The following EYS variants were observed in gnomAD, a reference collection of about 807,000 sequenced individuals.
The protein encoded by EYS is protein eyes shut homolog.
Under a neutral mutation model 282.1 loss-of-function variants are expected in EYS, and 250 were observed. The ratio of observed to expected loss-of-function variants is 0.89; its 90% CI spans 0.80 to 0.98. The LOEUF is 0.98. Ranked by LOEUF, EYS falls within the 50% of genes least tolerant of loss-of-function variation. The pLI, the probability that EYS is intolerant of heterozygous loss-of-function variation, is 0.00. For missense variants in EYS, 4,016 were observed against 3,709.0 expected, an observed-to-expected ratio of 1.08 and a Z score of -2.15; for synonymous variants, 1,355 against 1,282.9, an observed-to-expected ratio of 1.06 and a Z score of -1.20.
intron 9 of EYS, among the ~76,000 whole-genome samples, chr6:65,349,737 T>A (rs1770529754): frequency 6.6e-6 from 1 of 151,452 alleles, no homozygotes; most frequent in South Asian, 2.1e-4. Flanking sequence ...AATACTCAAA[T>A]ACTGTATGGT....
In EYS at chr6:64,475,298, T is replaced by A. The variant is rs1776226881; in HGVS notation, c.5645-35946A>T. 2.8e-5 allele frequency among the ~76,000 whole-genome samples: 2 copies of A among 71,144 alleles called. 1 individual carries two copies. The highest frequency in any genetic ancestry group is 8.4e-5 in the African/African-American group (2 of 23,712). The allele number at this position is 71,144 out of a possible 152,430, so 46.7% of individuals were successfully genotyped here. Reference sequence around the variant, plus strand: ...CGGGCGCGGTGGCTCACGCCTGTAATCCCAGCACTTTGGGAGGCCGAGGCG... The same window carrying A: ...CGGGCGCGGTGGCTCACGCCTGTAAACCCAGCACTTTGGGAGGCCGAGGCG... On this transcript the variant is annotated intron_variant, in intron 26 of 42. Coordinates refer to ENST00000503581, the MANE Select transcript of EYS (RefSeq NM_001142800.2).
intron 1 of EYS, among the ~76,000 whole-genome samples, chr6:65,663,683 T>A (rs780020493): frequency 6.6e-6 from 1 of 151,844 alleles, no homozygotes; most frequent in Non-Finnish European, 1.5e-5. Flanking sequence ...CTTTATTTAT[T>A]TATTTATTTA....
At chr6:64,770,981 T>C (rs796556772) in intron 22 of EYS, among the ~76,000 whole-genome samples, 58 of 151,870 alleles carry the variant, frequency 3.8e-4, no homozygotes, top group African/African-American at 1.3e-3. Flanking sequence ...CCAAATACAA[T>C]TGTTTTAACT....
Position 64,664,576 on chromosome 6 carries a change from A to G in EYS, c.3444-38331T>C, listed in dbSNP as rs577553922. ...TATTTCCACCTCCTCACCCGCCCCC[A>G]AATTCATATGTTGAAATCTTAACCT... is the stretch of plus-strand genomic sequence containing the variant. On this transcript the variant is annotated intron_variant, in intron 22 of 42. Coordinates refer to ENST00000503581, the MANE Select transcript of EYS (RefSeq NM_001142800.2). Among the ~76,000 whole-genome samples, 10 of 152,298 alleles carry G rather than the reference A, an allele frequency of 6.6e-5. No individual in the cohort carries two copies. The East Asian group carries it at 1.9e-3, about 29-fold the overall frequency.
At chr6:64,965,446 T>A (rs2150108297) in intron 14 of EYS, among the ~76,000 whole-genome samples, 2 of 152,090 alleles carry the variant, frequency 1.3e-5, no homozygotes, top group South Asian at 4.1e-4. Context: ...GGAAAGTAAA[T>A]GCATTGATAT....
At chr6:63,974,630 AT>A (rs905868298) in intron 35 of EYS, among the ~76,000 whole-genome samples, 67 of 152,040 alleles carry the variant, frequency 4.4e-4, no homozygotes, top group African/African-American at 1.6e-3. Flanking sequence ...GATATAAAAA[AT>A]ATGAGTGGAA....
At chr6:64,372,981 C>A (rs116289272) in intron 29 of EYS, among the ~76,000 whole-genome samples, 315 of 152,152 alleles carry the variant, frequency 2.1e-3, no homozygotes, top group Non-Finnish European at 2.3e-3. Context: ...TATTGTAATC[C>A]TTAGATTTGG....
chr6:63,999,210 A>T (rs1183105514), intron 33 of EYS, 27 bp from the exon 34 acceptor site: 2 of 1,467,938 alleles, frequency 1.4e-6, no homozygotes, highest in Non-Finnish European at 1.9e-6. Context: ...AGAGGCCATT[A>T]TGATATGTGT....
At chr6:65,149,236 T>C (rs1478915836) in intron 12 of EYS, among the ~76,000 whole-genome samples, 1 of 152,080 alleles carries the variant, frequency 6.6e-6, no homozygotes, top group Non-Finnish European at 1.5e-5. Flanking sequence ...CTCTGCTTCC[T>C]CTTGAGCACT....
chr6:64,423,183 G>A (rs1163309758), intron 28 of EYS, among the ~76,000 whole-genome samples: 1 of 152,090 alleles, frequency 6.6e-6, no homozygotes, highest in Middle Eastern at 3.2e-3. Flanking sequence ...TAATTTTAGA[G>A]TATTTTCTCT....
At chr6:64,615,018 G>C (rs1767228988) in intron 24 of EYS, among the ~76,000 whole-genome samples, 1 of 152,062 alleles carries the variant, frequency 6.6e-6, no homozygotes, top group Non-Finnish European at 1.5e-5. Context: ...CGTTCCAACA[G>C]AATGTGATAA....
At chr6:65,354,952 A>T (rs80139305) in intron 8 of EYS, among the ~76,000 whole-genome samples, 1 of 152,274 alleles carries the variant, frequency 6.6e-6, no homozygotes, top group Non-Finnish European at 1.5e-5. Context: ...AAAATCTTTA[A>T]CCCATTACTT....
At chr6:64,140,570 G>A (rs989171131) in intron 31 of EYS, among the ~76,000 whole-genome samples, 2 of 152,140 alleles carry the variant, frequency 1.3e-5, no homozygotes, top group African/African-American at 2.4e-5. Flanking sequence ...AGCAAGAGAT[G>A]AGTGGGAAGG....
At chr6:65,214,558 G>A (rs947977866) in intron 12 of EYS, among the ~76,000 whole-genome samples, 2 of 152,192 alleles carry the variant, frequency 1.3e-5, no homozygotes, top group Non-Finnish European at 2.9e-5. Flanking sequence ...GCAAGGTGAA[G>A]TTGCAAGTGC....
At chr6:63,851,974 G>A (rs1313839130) in intron 36 of EYS, among the ~76,000 whole-genome samples, 1 of 151,830 alleles carries the variant, frequency 6.6e-6, no homozygotes, top group East Asian at 1.9e-4. Flanking sequence ...CGGCTAAAAC[G>A]GTGAAACCCC....
intron 13 of EYS, among the ~76,000 whole-genome samples, chr6:65,046,173 C>T (rs530827207): frequency 6.6e-6 from 1 of 151,946 alleles, no homozygotes; most frequent in Admixed American, 6.6e-5. Context: ...CTATGCAACT[C>T]CTCTTAGGCT....
At chr6:65,187,813 G>A (rs1765548884) in intron 12 of EYS, among the ~76,000 whole-genome samples, 1 of 151,540 alleles carries the variant, frequency 6.6e-6, no homozygotes, top group Admixed American at 6.6e-5. Context: ...AAAACTTATT[G>A]GAATTGGTAT....
intron 35 of EYS, among the ~76,000 whole-genome samples, chr6:63,933,066 C>T (rs1764945461): frequency 6.6e-6 from 1 of 152,156 alleles, no homozygotes; most frequent in African/African-American, 2.4e-5. Context: ...AGATGAACAG[C>T]CAGATGGAAG....
intron 31 of EYS, among the ~76,000 whole-genome samples, chr6:64,108,587 G>A (rs907109619): frequency 1.4e-5 from 2 of 147,376 alleles, no homozygotes; most frequent in African/African-American, 5.1e-5. Context: ...GAATGTTGCA[G>A]TTAGAAACAC....
Sources: allele counts gnomAD v4.1 joint callset (sites outside exome capture counted in the v4.1 genomes callset), GRCh38; gene constraint gnomAD v4.1.1; transcripts MANE v1.5; gene names NCBI Gene and HGNC (gene_info 2026-07-23, HGNC 2026-07-21).